Variants in OSBP observed in about 807,000 individuals in gnomAD.
OSBP encodes the protein oxysterol binding protein.
Under a neutral mutation model 96.6 loss-of-function variants are expected in OSBP, and 32 were observed. The observed-to-expected ratio is 0.33, with a 90% CI of 0.25 to 0.45. The LOEUF (loss-of-function observed/expected upper bound fraction) is 0.45. Ranked by LOEUF, OSBP falls within the 20% of genes least tolerant of loss-of-function variation. OSBP has a pLI of 1.00. For missense variants in OSBP, 653 were observed against 1,029.7 expected (o/e 0.63, Z 5.01); for synonymous variants, 369 against 389.6 (o/e 0.95, Z 0.62).
chr11:59,594,270 A>G lies in OSBP; in HGVS notation c.1312-15T>C, dbSNP rs377572801. On this transcript the variant is annotated splice_polypyrimidine_tract_variant and intron_variant, in intron 7 of 13. Coordinates refer to ENST00000263847, the MANE Select transcript of OSBP (RefSeq NM_002556.3). ...TTAAAGTTTACCTGTAAGGAGAAGA[A>G]CAGATATAAAAACTATGCTCACTCA... 17 of 1,612,860 alleles carry G rather than the reference A, an allele frequency of 1.1e-5. No homozygotes were observed. Among genetic ancestry groups the G allele is most frequent in the Non-Finnish European group, 1.2e-5 (14 of 1,179,250 alleles).
chr11:59,611,731 G>C (rs957776916), intron 1 of OSBP, among the ~76,000 whole-genome samples: 6 of 152,188 alleles, frequency 3.9e-5, no homozygotes, highest in African/African-American at 1.4e-4. Context: ...AGATTCAGCA[G>C]ATCTGCTCTC....
chr11:59,608,808 A>G (rs925541778), intron 2 of OSBP, 74 bp from the exon 3 acceptor site: 4 of 1,446,812 alleles, frequency 2.8e-6, no homozygotes, highest in Non-Finnish European at 2.9e-6. Flanking sequence ...TACTCTGTCC[A>G]GAAACAAACC....
rs1860912743 is a variant in OSBP, at chr11:59,615,435, C to T, written c.230G>A (p.Gly77Glu). The T allele has an allele frequency of 1.3e-6, 2 of 1,489,444 alleles. No homozygotes were observed. Among genetic ancestry groups the T allele is most frequent in the South Asian group, 2.4e-5 (2 of 82,706 alleles). The allele number at this position is 1,489,444 out of a possible 1,614,324, so 92.3% of individuals were successfully genotyped here. ...CCCAGCGCCCGAGCCGCCCGAGCCC[C>T]CAGTCGGCGGCGCAGGGGCCGGGCC... ...AAGPAPAPPT[G>E]GSGGSGAGGS... is the part of the protein sequence containing the mutation. The change falls in exon 1 of 14, where the codon GGG (glycine) becomes GAG (glutamate). Residue 77 changes from glycine (G) to glutamate (E), a missense_variant. Gly to Glu is a moderately conservative substitution (Grantham distance 98). Coordinates refer to ENST00000263847, the MANE Select transcript of OSBP (RefSeq NM_002556.3).
At chr11:59,611,702 G>T (rs560266732) in intron 1 of OSBP, among the ~76,000 whole-genome samples, 1 of 152,128 alleles carries the variant, frequency 6.6e-6, no homozygotes, top group Admixed American at 6.5e-5. Flanking sequence ...CTCCTAAGCC[G>T]TCTATTAATA....
In OSBP at chr11:59,588,372, AAAAC is replaced by A. The variant is rs573599771; in HGVS notation, c.1678+5228_1678+5231del. Among the ~76,000 whole-genome samples, 18 of 151,982 alleles carry A rather than the reference AAAAC, an allele frequency of 1.2e-4. No homozygotes were observed. In the South Asian group the frequency reaches 3.7e-3, roughly 32 times the overall value. ...AACATGGTGAAACCCCATCTCTACT[AAAAC>A]AACACAAAAATTAGCCGGGTGTGGA... On this transcript the variant is annotated intron_variant, in intron 9 of 13. Coordinates refer to ENST00000263847, the MANE Select transcript of OSBP (RefSeq NM_002556.3).
In OSBP at chr11:59,615,533, C is replaced by T; in HGVS notation, c.132G>A (p.Gly44=). 3 of 1,323,506 alleles carry T rather than the reference C, an allele frequency of 2.3e-6. No individual in the cohort carries two copies. The highest frequency in any genetic ancestry group is 1.9e-5 in the South Asian group (1 of 52,384). 82.0% of individuals were successfully genotyped at this position (1,323,506 alleles called of 1,614,324 possible). ...CCGCGACCACCGTCCCTGACGCGGCCCCGGAGCCTGGCCCCGCATCTCCGC... is the reference window on the plus strand; with the variant it reads ...CCGCGACCACCGTCCCTGACGCGGCTCCGGAGCCTGGCCCCGCATCTCCGC... ...GGRGDAGPGS[G]AASGTVVAAA... is the part of the protein sequence containing the mutation. Residue 44 remains glycine, a synonymous_variant, in exon 1 of 14, where the codon GGG becomes GGA. Coordinates refer to ENST00000263847, the MANE Select transcript of OSBP (RefSeq NM_002556.3).
chr11:59,607,542 A>C (rs1021102123), intron 3 of OSBP, among the ~76,000 whole-genome samples: 7 of 152,102 alleles, frequency 4.6e-5, no homozygotes, highest in Non-Finnish European at 1.5e-5. Flanking sequence ...AAAGTCTGGC[A>C]CTAGAGAGGT....
chr11:59,612,011 A>G (rs1158575389), intron 1 of OSBP, among the ~76,000 whole-genome samples: 1 of 152,240 alleles, frequency 6.6e-6, no homozygotes, highest in East Asian at 1.9e-4. Flanking sequence ...CAGAGGTCAA[A>G]GTCCTTTGCC....
chr11:59,608,171 G>A (rs2134675353), intron 3 of OSBP, among the ~76,000 whole-genome samples: 1 of 152,132 alleles, frequency 6.6e-6, no homozygotes, highest in East Asian at 1.9e-4. Flanking sequence ...TCACGACCTA[G>A]AGAAATTAAG....
At chr11:59,576,750 T>G in intron 13 of OSBP, 31 bp from the exon 14 acceptor site, 1 of 1,612,090 alleles carries the variant, frequency 6.2e-7, no homozygotes, top group Non-Finnish European at 8.5e-7. Flanking sequence ...AGAAAAAAAT[T>G]AGTGCTGGCA....
intron 1 of OSBP, among the ~76,000 whole-genome samples, chr11:59,612,968 A>C (rs540647676): frequency 6.6e-6 from 1 of 152,344 alleles, no homozygotes; most frequent in African/African-American, 2.4e-5. Context: ...GGATGGGTCT[A>C]GGAAGTACAC....
At chr11:59,580,619 C>T (rs1382501751) in intron 10 of OSBP, among the ~76,000 whole-genome samples, 1 of 152,244 alleles carries the variant, frequency 6.6e-6, no homozygotes. Context: ...ACTCTACTCA[C>T]AATTGCAAAT....
intron 7 of OSBP, among the ~76,000 whole-genome samples, chr11:59,596,177 A>C (rs961012928): frequency 6.6e-6 from 1 of 152,128 alleles, no homozygotes. Flanking sequence ...GACAAGCAGT[A>C]TGATGACACA....
chr11:59,580,118 A>G, intron 11 of OSBP, 56 bp downstream of exon 11: 6 of 1,150,634 alleles, frequency 5.2e-6, no homozygotes, highest in Non-Finnish European at 7.9e-6. Context: ...CTAAAGGAGT[A>G]TGCTTTCTAA....
At chr11:59,583,837 G>A (rs562195327) in intron 9 of OSBP, among the ~76,000 whole-genome samples, 18 of 149,964 alleles carry the variant, frequency 1.2e-4, no homozygotes, top group Admixed American at 7.3e-4. Context: ...ACAGGGTTTC[G>A]CCATGTTGGC....
Position 59,610,478 on chromosome 11 carries a change from G to A in OSBP, c.474C>T (p.Thr158=). 6.2e-7 allele frequency: 1 copy of A among 1,614,176 alleles called. No homozygotes were observed. The highest frequency in any genetic ancestry group is 1.3e-5 in the African/African-American group (1 of 75,050). The change falls in exon 2 of 14, where the codon ACC becomes ACT. Residue 158 remains threonine (T), a synonymous_variant. Transcript: ENST00000263847. ...CTTCTGAACTAGCTTTCAGATGGTA[G>A]GTCTGAGCACCCCCATTGGAAATGA... ...NFIISNGGAQ[T]YHLKASSEVE...
chr11:59,604,781 G>T (rs1271194516), intron 3 of OSBP, among the ~76,000 whole-genome samples: 3 of 151,536 alleles, frequency 2.0e-5, no homozygotes, highest in Non-Finnish European at 4.4e-5. Context: ...CTTGAGCCTG[G>T]GTGCTCAAGG....
rs766195685 is a variant in OSBP, at chr11:59,576,950, G to A, written c.2136C>T (p.Pro712=). 2.5e-6 allele frequency: 4 copies of A among 1,614,050 alleles called. No homozygotes were observed. Among genetic ancestry groups the A allele is most frequent in the Non-Finnish European group, 3.4e-6 (4 of 1,180,040 alleles). ...GGTCAGGTCGTAACCGGCTGTCTGT[G>A]GGGGCAGTGCCACTTTCCCAAGCAT... ...TLNAWESGTA[P]TDSRLRPDQR... is the part of the protein sequence containing the mutation. The change falls in exon 13 of 14, where the codon CCC becomes CCT. Residue 712 remains proline (P), a synonymous_variant. Transcript: ENST00000263847.
At chr11:59,612,611 C>A (rs185917688) in intron 1 of OSBP, among the ~76,000 whole-genome samples, 58 of 152,076 alleles carry the variant, frequency 3.8e-4, no homozygotes, top group Non-Finnish European at 4.3e-4. Flanking sequence ...GACTTGATCT[C>A]GGAGCTCTTG....
Sources: gnomAD v4.1 joint callset for allele counts (sites outside exome capture counted in the v4.1 genomes callset) on GRCh38, gnomAD v4.1.1 for gene constraint, MANE v1.5 for transcripts, NCBI Gene and HGNC (gene_info 2026-07-23, HGNC 2026-07-21) for gene names.